Variants in CAMK4 observed in about 807,000 individuals in gnomAD.
CAMK4 encodes the protein calcium/calmodulin-dependent protein kinase type IV.
A neutral mutation model predicts 44.9 loss-of-function variants in CAMK4; 22 were observed. The observed-to-expected ratio is 0.49, with a 90% CI of 0.35 to 0.70. The LOEUF (loss-of-function observed/expected upper bound fraction) is 0.70. Ranked by LOEUF, CAMK4 falls within the 30% of genes least tolerant of loss-of-function variation. The pLI is 0.01. For synonymous variants in CAMK4, 218 were observed against 215.4 expected, an observed-to-expected ratio of 1.01 and a Z score of -0.11; for missense variants, 498 against 586.8, an observed-to-expected ratio of 0.85 and a Z score of 1.56.
upstream of CAMK4, chr5:111,224,023 C>T (rs1336334611): frequency 6.4e-6 from 1 of 156,756 alleles, no homozygotes; most frequent in East Asian, 1.9e-4. This position sits in a 1 kb window ranked among gnomAD's most constrained non-coding sequence, Gnocchi z 5.7. Context: ...GCACGGTCTC[C>T]CTCCAGCTCC....
At chr5:111,381,419 G>A (rs1751408151) in intron 4 of CAMK4, among the ~76,000 whole-genome samples, 1 of 152,154 alleles carries the variant, frequency 6.6e-6, no homozygotes, top group South Asian at 2.1e-4. Flanking sequence ...AAGAGCCCCT[G>A]GCAAATCACT....
chr5:111,485,168 C>A lies in CAMK4; in HGVS notation c.*702C>A, dbSNP rs10059307. On this transcript the variant is annotated 3_prime_UTR_variant, in exon 11 of 11. Coordinates refer to ENST00000282356, the MANE Select transcript of CAMK4 (RefSeq NM_001744.6). Reference sequence around the variant, plus strand: ...CTGGAGGAAGTAATTTACAAACTCACGCTGAGTTCCATTCTTTCCTTCACC... The same window carrying A: ...CTGGAGGAAGTAATTTACAAACTCAAGCTGAGTTCCATTCTTTCCTTCACC... 6.6e-6 allele frequency: 1 copy of A among 152,120 alleles called. No homozygotes were observed. The highest frequency in any genetic ancestry group is 1.5e-5 in the Non-Finnish European group (1 of 68,018). 9.4% of individuals were successfully genotyped at this position (152,120 alleles called of 1,614,324 possible). A position where few individuals can be genotyped will look rare whatever the true frequency, so the allele number is the denominator to read the frequency against.
intron 1 of CAMK4, among the ~76,000 whole-genome samples, chr5:111,308,125 A>G (rs1327539508): frequency 2.4e-5 from 3 of 124,626 alleles, no homozygotes; most frequent in Non-Finnish European, 4.9e-5. Flanking sequence ...GGGGAGGGAT[A>G]GCATTGGGAG....
intron 9 of CAMK4, chr5:111,481,870 T>C (rs186043711): frequency 6.6e-6 from 1 of 152,342 alleles, no homozygotes; most frequent in African/African-American, 2.4e-5. Context: ...TAAAAAGTTA[T>C]ATATGCATCT....
intron 8 of CAMK4, among the ~76,000 whole-genome samples, chr5:111,476,271 T>TGTGTTTGTG (rs1755238315): frequency 7.9e-6 from 1 of 127,314 alleles, no homozygotes; most frequent in Admixed American, 8.0e-5. Context: ...GTGTGTGTGT[T>TGTGTTTGTG]TGTGTGTGTG....
intron 2 of CAMK4, among the ~76,000 whole-genome samples, chr5:111,348,535 A>G (rs114788848): frequency 2.0e-5 from 3 of 152,146 alleles, no homozygotes; most frequent in Non-Finnish European, 2.9e-5. Flanking sequence ...AACATCATGT[A>G]TTTAATATAT....
intron 5 of CAMK4, among the ~76,000 whole-genome samples, chr5:111,405,487 A>G (rs1240616513): frequency 6.6e-6 from 1 of 152,158 alleles, no homozygotes; most frequent in East Asian, 1.9e-4. Context: ...AAAACAAAAA[A>G]AAAGACGAAG....
intron 2 of CAMK4, among the ~76,000 whole-genome samples, chr5:111,374,429 G>A (rs1580668793): frequency 1.3e-5 from 2 of 152,104 alleles, no homozygotes; most frequent in African/African-American, 4.8e-5. Flanking sequence ...GGATACTCTT[G>A]TTGGGTAGGT....
intron 1 of CAMK4, among the ~76,000 whole-genome samples, chr5:111,261,710 T>C (rs1285023115): frequency 1.3e-5 from 2 of 152,108 alleles, no homozygotes; most frequent in Non-Finnish European, 2.9e-5. Context: ...TATTCTCTAA[T>C]GACTTATGCA....
intron 1 of CAMK4, among the ~76,000 whole-genome samples, chr5:111,286,342 T>C (rs1305900854): frequency 6.6e-6 from 1 of 152,190 alleles, no homozygotes; most frequent in Non-Finnish European, 1.5e-5. Context: ...ACCATATAGA[T>C]GATTTTTACT....
At chr5:111,322,507 G>T (rs1580588017) in intron 1 of CAMK4, among the ~76,000 whole-genome samples, 1 of 152,168 alleles carries the variant, frequency 6.6e-6, no homozygotes, top group Middle Eastern at 3.4e-3. Context: ...GTAACTGCCT[G>T]CTACTAAAAA....
chr5:111,478,202 A>C (rs1235722510), intron 8 of CAMK4, among the ~76,000 whole-genome samples, 179 bp from the exon 9 acceptor site: 1 of 151,900 alleles, frequency 6.6e-6, no homozygotes, highest in Non-Finnish European at 1.5e-5. Flanking sequence ...TGAGGACTTG[A>C]TTGTGTGTTT....
rs1002230739 is a variant in CAMK4, at chr5:111,248,251, ATAAC to A, written c.161+23611_161+23614del. ...AATGTTGACTGAGAGATATTTTTAAATAACTAAATGGTTATTAACTCTTGGGTTA... is the reference window on the plus strand; with the variant it reads ...AATGTTGACTGAGAGATATTTTTAAATAAATGGTTATTAACTCTTGGGTTA... On this transcript the variant is annotated intron_variant, in intron 1 of 10. Coordinates refer to ENST00000282356, the MANE Select transcript of CAMK4 (RefSeq NM_001744.6). Among the ~76,000 whole-genome samples the A allele has an allele frequency of 1.1e-4, 17 of 152,348 alleles. No individual in the cohort carries two copies. The South Asian group carries it at 2.5e-3, about 22-fold the overall frequency.
At chr5:111,483,506 G>A (rs1755502438) in intron 10 of CAMK4, among the ~76,000 whole-genome samples, 1 of 152,162 alleles carries the variant, frequency 6.6e-6, no homozygotes, top group South Asian at 2.1e-4. Context: ...CTGGGGGTCA[G>A]AATTAGGGTC....
intron 5 of CAMK4, among the ~76,000 whole-genome samples, chr5:111,442,223 GT>G: frequency 6.6e-6 from 1 of 152,178 alleles, no homozygotes; most frequent in South Asian, 2.1e-4. Context: ...GTCAGGTGCT[GT>G]GGCTCATGCC....
chr5:111,370,820 C>T (rs572901889), intron 2 of CAMK4, among the ~76,000 whole-genome samples: 3 of 152,104 alleles, frequency 2.0e-5, no homozygotes, highest in African/African-American at 7.2e-5. Flanking sequence ...GAGGCTGAGG[C>T]AGGAGAATCG....
chr5:111,287,151 T>G (rs910134097), intron 1 of CAMK4, among the ~76,000 whole-genome samples: 3 of 152,084 alleles, frequency 2.0e-5, no homozygotes, highest in African/African-American at 7.2e-5. Context: ...GTAGTTAGAG[T>G]TTCCCATAGA....
chr5:111,294,367 A>G (rs1747401560), intron 1 of CAMK4, among the ~76,000 whole-genome samples: 1 of 152,154 alleles, frequency 6.6e-6, no homozygotes, highest in African/African-American at 2.4e-5. Flanking sequence ...AGTACCCTCT[A>G]ATTACTTTGC....
In CAMK4 at chr5:111,482,958, T is replaced by C. The variant is rs761445574; in HGVS notation, c.981+21T>C. ...TTAAGGTAAGATAGCATATATTTTG[T>C]TTTGTTTTGTTTTGTTTTCAAAAAA... On this transcript the variant is annotated intron_variant, in intron 10 of 10. Transcript: ENST00000282356. The surrounding 1 kb of genome is among the most constrained non-coding windows in gnomAD (Gnocchi z 4.9). 1.9e-5 allele frequency: 29 copies of C among 1,563,348 alleles called. No individual in the cohort carries two copies. Among genetic ancestry groups the C allele is most frequent in the Non-Finnish European group, 2.4e-5 (28 of 1,159,162 alleles).
Sources: allele counts gnomAD v4.1 joint callset (sites outside exome capture counted in the v4.1 genomes callset), GRCh38; gene constraint gnomAD v4.1.1; non-coding constraint Gnocchi (gnomAD v3.1); transcripts MANE v1.5; gene names NCBI Gene and HGNC (gene_info 2026-07-23, HGNC 2026-07-21).